The following PPP1R9A variants were observed in gnomAD, a reference collection of about 807,000 sequenced individuals.
PPP1R9A encodes the protein protein phosphatase 1 regulatory subunit 9A.
Under a neutral mutation model 141.9 loss-of-function variants are expected in PPP1R9A, and 59 were observed. The observed-to-expected ratio is 0.42, with a 90% CI of 0.34 to 0.52. The LOEUF (loss-of-function observed/expected upper bound fraction) is 0.52. Among genes scored for constraint, PPP1R9A ranks in the 20% least tolerant of loss-of-function variants. The pLI is 0.10. For missense variants in PPP1R9A, 1,444 were observed against 1,611.9 expected, an observed-to-expected ratio of 0.90 and a Z score of 1.78; for synonymous variants, 500 against 569.7, an observed-to-expected ratio of 0.88 and a Z score of 1.74.
At chr7:95,057,396 A>G (rs1811648404) in intron 2 of PPP1R9A, among the ~76,000 whole-genome samples, 1 of 152,150 alleles carries the variant, frequency 6.6e-6, no homozygotes, top group Non-Finnish European at 1.5e-5. Context: ...ATATTTTAGT[A>G]GTAACTACCT....
intron 18 of PPP1R9A, among the ~76,000 whole-genome samples, chr7:95,287,742 G>T (rs1258820006): frequency 1.3e-5 from 2 of 152,108 alleles, no homozygotes; most frequent in Non-Finnish European, 1.5e-5. Context: ...CTGGAGTGCA[G>T]TGGCACAATC....
intron 2 of PPP1R9A, among the ~76,000 whole-genome samples, chr7:95,029,430 G>A (rs1807346233): frequency 6.6e-6 from 1 of 152,186 alleles, no homozygotes; most frequent in African/African-American, 2.4e-5. Flanking sequence ...TAGAGAAATT[G>A]TGATTGAGAT....
intron 2 of PPP1R9A, among the ~76,000 whole-genome samples, chr7:95,082,996 C>A (rs180824265): frequency 1.1e-4 from 17 of 151,672 alleles, no homozygotes; most frequent in Admixed American, 3.3e-4. Context: ...ACCTCATGAT[C>A]CGCCCACCTC....
chr7:95,281,392 T>G (rs1804200340), intron 16 of PPP1R9A, among the ~76,000 whole-genome samples: 1 of 152,120 alleles, frequency 6.6e-6, no homozygotes, highest in Non-Finnish European at 1.5e-5. Flanking sequence ...TTACTTGGTG[T>G]GCAAAGCTAG....
chr7:95,089,959 G>A (rs1408300286), intron 2 of PPP1R9A, among the ~76,000 whole-genome samples: 4 of 151,824 alleles, frequency 2.6e-5, no homozygotes, highest in Non-Finnish European at 5.9e-5. Context: ...TTCTCAGCAT[G>A]AGCAGTAGTT....
intron 16 of PPP1R9A, among the ~76,000 whole-genome samples, chr7:95,277,421 T>C (rs548299293): frequency 1.3e-5 from 2 of 152,286 alleles, no homozygotes; most frequent in Non-Finnish European, 2.9e-5. Context: ...AGTGGCATTG[T>C]CTTTTTGTTT....
chr7:94,962,456 G>C (rs972208710), intron 2 of PPP1R9A, among the ~76,000 whole-genome samples: 2 of 151,486 alleles, frequency 1.3e-5, no homozygotes, highest in Non-Finnish European at 2.9e-5. Flanking sequence ...AATATTCAAG[G>C]GTTTTCCCCA....
At chr7:94,965,127 GTC>G (rs1563056106) in intron 2 of PPP1R9A, among the ~76,000 whole-genome samples, 1 of 151,498 alleles carries the variant, frequency 6.6e-6, no homozygotes, top group Non-Finnish European at 1.5e-5. Context: ...TTTGAAAAGT[GTC>G]TGTTCATATT....
intron 2 of PPP1R9A, among the ~76,000 whole-genome samples, chr7:95,021,263 A>G (rs1382708092): frequency 6.6e-6 from 1 of 150,800 alleles, no homozygotes; most frequent in African/African-American, 2.4e-5. Flanking sequence ...TGGCCGCATA[A>G]ATGTCTTCTT....
chr7:94,996,795 CTG>C (rs1802229898), intron 2 of PPP1R9A, among the ~76,000 whole-genome samples: 5 of 132,116 alleles, frequency 3.8e-5, no homozygotes, highest in South Asian at 2.3e-4. Context: ...TTCAGATACT[CTG>C]TGTTTTTTTT....
chr7:95,064,689 G>A (rs1812715879), intron 2 of PPP1R9A, among the ~76,000 whole-genome samples: 1 of 152,204 alleles, frequency 6.6e-6, no homozygotes, highest in Non-Finnish European at 1.5e-5. Context: ...ATAAGTTTTA[G>A]CAAGTGGGCA....
At chr7:95,228,612 C>G (rs1432645086) in intron 8 of PPP1R9A, among the ~76,000 whole-genome samples, 1 of 152,218 alleles carries the variant, frequency 6.6e-6, no homozygotes, top group East Asian at 1.9e-4. Context: ...TGAGCTAAGT[C>G]GCATCATTCC....
intron 2 of PPP1R9A, among the ~76,000 whole-genome samples, chr7:94,982,036 C>T (rs951810961): frequency 6.8e-6 from 1 of 147,626 alleles, no homozygotes; most frequent in Non-Finnish European, 1.5e-5. Flanking sequence ...CAAGAGTTCT[C>T]ATCGTTCAAT....
chr7:95,251,682 C>T (rs1408237585), intron 10 of PPP1R9A, 80 bp from the exon 11 acceptor site: 5 of 1,292,232 alleles, frequency 3.9e-6, no homozygotes, highest in Non-Finnish European at 5.3e-6. Context: ...GCTTATCCTA[C>T]TATGCAGTTT....
intron 4 of PPP1R9A, among the ~76,000 whole-genome samples, chr7:95,161,044 G>C (rs1471220565): frequency 6.6e-6 from 1 of 152,136 alleles, no homozygotes; most frequent in Non-Finnish European, 1.5e-5. Context: ...CCAGTAATGG[G>C]ATTACTGGAT....
intron 2 of PPP1R9A, among the ~76,000 whole-genome samples, chr7:95,023,505 C>T (rs766550677): frequency 7.5e-6 from 1 of 133,202 alleles, no homozygotes; most frequent in East Asian, 2.0e-4. Context: ...AGGTATTTCT[C>T]GTCTTCTGCT....
chr7:94,934,628 C>T (rs1396115400), intron 2 of PPP1R9A, among the ~76,000 whole-genome samples: 1 of 151,708 alleles, frequency 6.6e-6, no homozygotes, highest in Non-Finnish European at 1.5e-5. Context: ...TTAGCTGAGC[C>T]TTTATTTACC....
chr7:95,189,546 C>G (rs1295362854), intron 5 of PPP1R9A, among the ~76,000 whole-genome samples: 2 of 147,826 alleles, frequency 1.4e-5, no homozygotes, highest in Non-Finnish European at 3.0e-5. Context: ...ACGCCATTCT[C>G]CTGCCTCAGC....
chr7:95,231,507 A>C (rs985793350), intron 8 of PPP1R9A, among the ~76,000 whole-genome samples: 24 of 152,168 alleles, frequency 1.6e-4, no homozygotes, highest in Non-Finnish European at 2.9e-4. Flanking sequence ...CCACAAAACA[A>C]GTCTCAGTAA....
Sources: allele counts gnomAD v4.1 joint callset (sites outside exome capture counted in the v4.1 genomes callset), GRCh38; gene constraint gnomAD v4.1.1; transcripts MANE v1.5; gene names NCBI Gene and HGNC (gene_info 2026-07-23, HGNC 2026-07-21).